PATJ: variants seen among roughly 807,000 people sequenced by gnomAD.
The protein encoded by PATJ is PATJ crumbs cell polarity complex component, also known as inaD-like protein.
PATJ carries 190 observed loss-of-function variants against 224.9 expected under a neutral mutation model. That is an observed-to-expected ratio of 0.84 (90% confidence interval 0.75 to 0.95). PATJ has a LOEUF of 0.95. Among genes scored for constraint, PATJ ranks in the 40% least tolerant of loss-of-function variants. The pLI, the probability that PATJ is intolerant of heterozygous loss-of-function variation, is 0.00. For missense variants in PATJ, 2,121 were observed against 2,270.3 expected (o/e 0.93, Z 1.34); for synonymous variants, 769 against 820.3 (o/e 0.94, Z 1.07).
At chr1:61,871,164 C>T (rs1571012369) in intron 20 of PATJ, among the ~76,000 whole-genome samples, 1 of 133,036 alleles carries the variant, frequency 7.5e-6, no homozygotes, top group East Asian at 2.1e-4. Flanking sequence ...AAAAACTTCT[C>T]TATTTGAAAA....
chr1:61,751,411 A>G (rs1645318873), intron 1 of PATJ, among the ~76,000 whole-genome samples: 1 of 152,146 alleles, frequency 6.6e-6, no homozygotes, highest in Non-Finnish European at 1.5e-5. Flanking sequence ...AATAGTATGA[A>G]TGCCCAGGTC....
intron 16 of PATJ, among the ~76,000 whole-genome samples, chr1:61,828,167 C>T (rs1177040322): frequency 6.6e-6 from 1 of 150,662 alleles, no homozygotes; most frequent in African/African-American, 2.4e-5. Flanking sequence ...CACTTGAAGC[C>T]GGGAGGCGGA....
chr1:61,902,810 C>T (rs1000982238), intron 24 of PATJ, among the ~76,000 whole-genome samples: 2 of 151,846 alleles, frequency 1.3e-5, no homozygotes, highest in Admixed American at 6.6e-5. Context: ...GGATAAGGAG[C>T]GTTGGGGTTG....
chr1:61,991,242 G>T (rs913266951), intron 28 of PATJ, among the ~76,000 whole-genome samples: 1 of 152,064 alleles, frequency 6.6e-6, no homozygotes, highest in African/African-American at 2.4e-5. Context: ...AAATATACCT[G>T]GTACCAAACA....
At chr1:61,812,406 CTG>C (rs1655008121) in intron 14 of PATJ, among the ~76,000 whole-genome samples, 1 of 48,834 alleles carries the variant, frequency 2.0e-5, no homozygotes. Flanking sequence ...ATGTGAGTGA[CTG>C]AGAGAGAGAG....
intron 27 of PATJ, among the ~76,000 whole-genome samples, chr1:61,974,405 C>CTCTCTT (rs1434777894): frequency 1.6e-5 from 1 of 64,240 alleles, no homozygotes; most frequent in African/African-American, 6.3e-5. Flanking sequence ...CTCTCTCTCT[C>CTCTCTT]TTTTTTTTTT....
intron 17 of PATJ, among the ~76,000 whole-genome samples, chr1:61,845,227 T>A (rs1327202911): frequency 6.6e-6 from 1 of 152,194 alleles, no homozygotes; most frequent in Non-Finnish European, 1.5e-5. Context: ...GGTCCTGTAA[T>A]CATCCTTGTT....
chr1:61,963,234 T>C (rs1002061356), intron 27 of PATJ, among the ~76,000 whole-genome samples: 2 of 152,150 alleles, frequency 1.3e-5, no homozygotes, highest in African/African-American at 4.8e-5. Context: ...ACCAATCAGT[T>C]AGGCACGTAT....
intron 31 of PATJ, chr1:62,072,676 G>A (rs1392704577): frequency 6.7e-6 from 1 of 148,888 alleles, no homozygotes; most frequent in African/African-American, 2.5e-5. Flanking sequence ...GTGCTGATTA[G>A]CAGTGAGATC....
chr1:61,898,005 C>A (rs1341018669), intron 22 of PATJ, among the ~76,000 whole-genome samples: 1 of 152,128 alleles, frequency 6.6e-6, no homozygotes, highest in Non-Finnish European at 1.5e-5. Context: ...TTTCACATGG[C>A]CTTACAACAG....
chr1:62,088,317 C>G (rs575252105), intron 33 of PATJ, among the ~76,000 whole-genome samples: 2 of 152,294 alleles, frequency 1.3e-5, no homozygotes, highest in South Asian at 4.1e-4. Context: ...TAGGACCAGA[C>G]CAGACCATCG....
At chr1:62,065,706 T>A (rs1355128408) in intron 31 of PATJ, among the ~76,000 whole-genome samples, 2 of 152,238 alleles carry the variant, frequency 1.3e-5, no homozygotes, top group Admixed American at 1.3e-4. Context: ...ACTTGAAATT[T>A]AACTTGCCCA....
intron 33 of PATJ, among the ~76,000 whole-genome samples, chr1:62,103,604 A>G (rs1017260705): frequency 6.6e-6 from 1 of 152,084 alleles, no homozygotes. Flanking sequence ...AAATACAAAA[A>G]TTGGCCGAGT....
chr1:62,108,399 G>C, intron 33 of PATJ, 38 bp from the exon 34 acceptor site: 1 of 1,317,074 alleles, frequency 7.6e-7, no homozygotes, highest in Non-Finnish European at 1.1e-6. Flanking sequence ...GGAAGCATTT[G>C]TGGTTGTTGA....
chr1:62,102,859 CAA>C (rs1162014751), intron 33 of PATJ, among the ~76,000 whole-genome samples: 2,461 of 46,794 alleles, frequency 0.053, 17 homozygotes, highest in African/African-American at 0.091. Flanking sequence ...TACCCTGTCT[CAA>C]AAAAAAAAAA....
intron 27 of PATJ, among the ~76,000 whole-genome samples, chr1:61,972,348 G>C (rs924955715): frequency 1.3e-5 from 2 of 151,914 alleles, no homozygotes; most frequent in African/African-American, 2.4e-5. Flanking sequence ...TCTAATTTTG[G>C]ATTTTCAGAT....
At chr1:61,821,211 A>AT (rs1657202397) in intron 14 of PATJ, among the ~76,000 whole-genome samples, 1 of 151,720 alleles carries the variant, frequency 6.6e-6, no homozygotes. Flanking sequence ...TGCCCGGCTA[A>AT]TTTTTTTGTA....
chr1:62,061,421 A>G (rs1655414371), intron 31 of PATJ, among the ~76,000 whole-genome samples: 1 of 151,052 alleles, frequency 6.6e-6, no homozygotes, highest in South Asian at 2.1e-4. Context: ...ATCTCAGGTG[A>G]TCCACCCACC....
Position 61,962,322 on chromosome 1 carries a change from C to T in PATJ, c.3671-27846C>T, listed in dbSNP as rs547698028. On this transcript the variant is annotated intron_variant, in intron 27 of 43. Coordinates refer to ENST00000642238, the MANE Select transcript of PATJ (RefSeq NM_001350145.3). ...ATTAAATGAGCAAATGGATGAATAA[C>T]AGGATATTAAAATTAGGCAGAAGGC... Among the ~76,000 whole-genome samples, 9 of 152,268 alleles carry T rather than the reference C, an allele frequency of 5.9e-5. No homozygotes were observed. In the East Asian group the frequency reaches 1.4e-3, roughly 23 times the overall value.
Sources: gnomAD v4.1 joint callset for allele counts (sites outside exome capture counted in the v4.1 genomes callset) on GRCh38, gnomAD v4.1.1 for gene constraint, MANE v1.5 for transcripts, NCBI Gene and HGNC (gene_info 2026-07-23, HGNC 2026-07-21) for gene names.